ZNF551: variants seen among roughly 807,000 people sequenced by gnomAD.
ZNF551 encodes zinc finger protein 551.
Under a neutral mutation model 7.9 loss-of-function variants are expected in ZNF551, and 5 were observed. That is an observed-to-expected ratio of 0.63 (90% CI 0.33 to 1.33). ZNF551 has a LOEUF of 1.33. ZNF551 is among the 40% of genes most tolerant of loss of function. The pLI is 0.05. For synonymous variants in ZNF551, 287 were observed against 277.3 expected, an observed-to-expected ratio of 1.03 and a Z score of -0.35; for missense variants, 788 against 825.2, an observed-to-expected ratio of 0.95 and a Z score of 0.55.
In ZNF551 at chr19:57,686,589, A is replaced by G. The variant is rs1281187443; in HGVS notation, c.314A>G (p.Glu105Gly). 6.2e-7 allele frequency: 1 copy of G among 1,614,212 alleles called. No individual in the cohort carries two copies. Among genetic ancestry groups the G allele is most frequent in the Admixed American group, 1.7e-5 (1 of 60,014 alleles). ...CCCACCCAGAAAACTCACCTCAGTGAGATTAAGATGTGTGTCCCAGTCTTG... is the reference window on the plus strand; with the variant it reads ...CCCACCCAGAAAACTCACCTCAGTGGGATTAAGATGTGTGTCCCAGTCTTG... ...NTPTQKTHLS[E>G]IKMCVPVLKD... The change falls in exon 3 of 3, where the codon GAG becomes GGG. Residue 105 changes from glutamate (E) to glycine (G), a missense_variant. Coordinates refer to ENST00000282296, the MANE Select transcript of ZNF551 (RefSeq NM_138347.5).
rs777615971 is a variant in ZNF551 at position 57,685,262 on chromosome 19, G to A, written c.82G>A (p.Gly28Ser). 6.2e-7 allele frequency: 1 copy of A among 1,613,936 alleles called. No homozygotes were observed. The change falls in exon 2 of 3, where the codon GGT becomes AGT. Residue 28 changes from glycine (G) to serine (S), a missense_variant and splice_region_variant. Physicochemically the swap from Gly to Ser is moderately conservative, Grantham distance 56. Transcript: ENST00000282296. ...AAVALRDSAQ[G>S]MTFEDVAIYF... is the part of the protein sequence containing the mutation. ...GATTGAACTATTCCTGCTGTGACAG[G>A]GTATGACCTTTGAGGATGTGGCCAT...
At chr19:57,683,062 G>T (rs1371577693) in intron 1 of ZNF551, among the ~76,000 whole-genome samples, 1 of 152,202 alleles carries the variant, frequency 6.6e-6, no homozygotes, top group Non-Finnish European at 1.5e-5. Context: ...AAGTTGAGTT[G>T]TCTATTCGTT....
Position 57,687,317 on chromosome 19 carries a change from T to C in ZNF551, c.1042T>C (p.Ser348Pro), listed in dbSNP as rs1600020541. The C allele has an allele frequency of 6.2e-7, 1 of 1,614,220 alleles. No homozygotes were observed. The highest frequency in any genetic ancestry group is 1.1e-5 in the South Asian group (1 of 91,084). ...ATGTAGGAAAACCTTTAGCTACAAA[T>C]CTAACCTCATTGAACACCAGAGAGT... ...GECRKTFSYKSNLIEHQRVHT... is the reference protein window; with the variant it reads ...GECRKTFSYKPNLIEHQRVHT... Residue 348 changes from serine to proline, a missense_variant, in exon 3 of 3, where the codon TCT becomes CCT. Ser to Pro is a moderately conservative substitution (Grantham distance 74). Transcript: ENST00000282296.
chr19:57,686,062 G>C (rs1243730273), intron 2 of ZNF551, among the ~76,000 whole-genome samples: 3 of 152,168 alleles, frequency 2.0e-5, no homozygotes, highest in Non-Finnish European at 4.4e-5. Context: ...CTTCTTTTCA[G>C]TGTTGTTCAG....
chr19:57,686,400 G>A (rs1984553457), intron 2 of ZNF551, 81 bp from the exon 3 acceptor site: 3 of 1,545,522 alleles, frequency 1.9e-6, no homozygotes. Context: ...CTCAGTTCTT[G>A]TGTCTCACAC....
rs1984568414 is a variant in ZNF551, at chr19:57,686,740, TGAA to T, written c.471_473del (p.Glu158del). The stretch of plus-strand genomic sequence containing the variant: ...TTCACCAGCATCAAAAGCATTACAA[TGAA>T]GAAGAGCCCTGGAAAAGGAAGGTGG... On this transcript the variant is annotated inframe_deletion, in exon 3 of 3. Transcript: ENST00000282296. The T allele has an allele frequency of 1.2e-6, 2 of 1,613,988 alleles. No individual in the cohort carries two copies. The highest frequency in any genetic ancestry group is 1.7e-6 in the Non-Finnish European group (2 of 1,180,034).
In ZNF551 at chr19:57,686,713, C is replaced by G; in HGVS notation, c.438C>G (p.Asp146Glu). Residue 146 changes from aspartate to glutamate, a missense_variant, in exon 3 of 3, where the codon GAC becomes GAG. Asp to Glu is a conservative substitution (Grantham distance 45). Transcript: ENST00000282296. ...TSMRGFCFSADLHQHQKHYNE... is the reference protein window; with the variant it reads ...TSMRGFCFSAELHQHQKHYNE... ...TGAGAGGCTTCTGCTTCAGTGCTGA[C>G]CTTCACCAGCATCAAAAGCATTACA... The G allele has an allele frequency of 1.2e-6, 2 of 1,614,180 alleles. No homozygotes were observed. The highest frequency in any genetic ancestry group is 1.7e-6 in the Non-Finnish European group (2 of 1,180,044).
At position 57,682,639 on chromosome 19, in the gene ZNF551, C is replaced by T. The variant is rs73937007; in HGVS notation, c.81+395C>T. The stretch of plus-strand genomic sequence containing the variant: ...AAAAGTTGCTCAGGGGAAGAACAGG[C>T]TGAAGAGAGGTAATAGTAGTTAGGC... On this transcript the variant is annotated intron_variant, in intron 1 of 2. Coordinates refer to ENST00000282296, the MANE Select transcript of ZNF551 (RefSeq NM_138347.5). 7.3e-3 allele frequency among the ~76,000 whole-genome samples: 1,108 copies of T among 152,296 alleles called. 10 individuals carry two copies. The highest frequency in any genetic ancestry group is 0.024 in the African/African-American group (985 of 41,538).
rs149025911 is a variant in ZNF551, at chr19:57,685,936, A to ACTT, written c.206-542_206-540dup. 4.9e-3 allele frequency among the ~76,000 whole-genome samples: 739 copies of ACTT among 152,296 alleles called. 8 individuals are homozygous for ACTT. Among genetic ancestry groups the ACTT allele is most frequent in the African/African-American group, 0.017 (691 of 41,550 alleles). On this transcript the variant is annotated intron_variant, in intron 2 of 2. Coordinates refer to ENST00000282296, the MANE Select transcript of ZNF551 (RefSeq NM_138347.5). ...GTGCCACTGGCCATAACTCGTTTCT[A>ACTT]CTTCTACTTCCCTATACAATACTGT...
chr19:57,690,520 A>G lies in ZNF551; in HGVS notation c.*2232A>G, dbSNP rs1984732349. ...ATAATTATTTTGAGATTCAAAAATG[A>G]TGAATCTTTGTATTGCTGAGTATCA... On this transcript the variant is annotated 3_prime_UTR_variant, in exon 3 of 3. Transcript: ENST00000282296. 6.6e-6 allele frequency: 1 copy of G among 152,150 alleles called. No homozygotes were observed. The highest frequency in any genetic ancestry group is 2.4e-5 in the African/African-American group (1 of 41,426). 9.4% of individuals were successfully genotyped at this position (152,150 alleles called of 1,614,324 possible).
In ZNF551 at chr19:57,687,406, C is replaced by T. The variant is rs769122145; in HGVS notation, c.1131C>T (p.Ser377=). Residue 377 remains serine, a synonymous_variant, in exon 3 of 3, where the codon AGC becomes AGT. Coordinates refer to ENST00000282296, the MANE Select transcript of ZNF551 (RefSeq NM_138347.5). ...GGAAATCCTTTAGACAAAGCTCTAG[C>T]CTTTTTCGACACCAGAGAGTTCACT... ...ECGKSFRQSS[S]LFRHQRVHSG... 1 of 1,613,966 alleles carries T rather than the reference C, an allele frequency of 6.2e-7. No individual in the cohort carries two copies. The highest frequency in any genetic ancestry group is 8.5e-7 in the Non-Finnish European group (1 of 1,179,996).
At position 57,687,805 on chromosome 19, in the gene ZNF551, A is replaced by T; in HGVS notation, c.1530A>T (p.Lys510Asn). ...ERPYECSECGKSFTRKSDLIQ... is the reference protein window; with the variant it reads ...ERPYECSECGNSFTRKSDLIQ... ...CTTATGAATGCAGTGAATGTGGAAA[A>T]TCCTTTACCCGCAAATCTGACCTCA... Residue 510 changes from lysine (K) to asparagine (N), a missense_variant, in exon 3 of 3, where the codon AAA becomes AAT. Coordinates refer to ENST00000282296, the MANE Select transcript of ZNF551 (RefSeq NM_138347.5). 1 of 1,614,082 alleles carries T rather than the reference A, an allele frequency of 6.2e-7. No homozygotes were observed. The highest frequency in any genetic ancestry group is 1.6e-4 in the Middle Eastern group (1 of 6,062).
chr19:57,682,179 G>C lies in ZNF551; in HGVS notation c.16G>C (p.Gly6Arg), dbSNP rs1197292134. 5.2e-6 allele frequency: 8 copies of C among 1,549,196 alleles called. No individual in the cohort carries two copies. In the East Asian group the frequency reaches 2.0e-4, roughly 38 times the overall value. ...TTGTGTTCGAATGCCCGCCCCGGTC[G>C]GCCGCCGCTCCCCGCCTAGTCCACG... MPAPV[G>R]RRSPPSPRSS... Residue 6 changes from glycine to arginine, a missense_variant, in exon 1 of 3, where the codon GGC (glycine) becomes CGC (arginine). By Grantham distance (125) the Gly-to-Arg change is moderately radical. Transcript: ENST00000282296.
At chr19:57,685,737 T>C (rs777365675) in intron 2 of ZNF551, among the ~76,000 whole-genome samples, 2 of 151,706 alleles carry the variant, frequency 1.3e-5, no homozygotes, top group Non-Finnish European at 2.9e-5. Flanking sequence ...TGTTATGTGG[T>C]AGCACAATGA....
At chr19:57,683,852 A>G (rs1404266346) in intron 1 of ZNF551, among the ~76,000 whole-genome samples, 1 of 151,920 alleles carries the variant, frequency 6.6e-6, no homozygotes, top group Non-Finnish European at 1.5e-5. Flanking sequence ...TGATGCTAGG[A>G]CTGGTGCGTA....
Position 57,687,265 on chromosome 19 carries a change from T to A in ZNF551, c.990T>A (p.Thr330=). Residue 330 remains threonine, a synonymous_variant, in exon 3 of 3, where the codon ACT becomes ACA. Transcript: ENST00000282296. ...SEFIHHQRRH[T]GGVRHECGEC... ...TCATTCACCACCAGAGACGTCACAC[T>A]GGAGGAGTGCGTCATGAGTGTGGTG... is the stretch of plus-strand genomic sequence containing the variant. The A allele has an allele frequency of 6.2e-7, 1 of 1,614,190 alleles. No individual in the cohort carries two copies. The highest frequency in any genetic ancestry group is 8.5e-7 in the Non-Finnish European group (1 of 1,180,034).
In ZNF551 at chr19:57,687,838, C is replaced by T; in HGVS notation, c.1563C>T (p.His521=). 1 of 1,613,820 alleles carries T rather than the reference C, an allele frequency of 6.2e-7. No homozygotes were observed. Among genetic ancestry groups the T allele is most frequent in the Non-Finnish European group, 8.5e-7 (1 of 1,179,950 alleles). The part of the protein sequence containing the change: ...SFTRKSDLIQ[H]RRIHTGTRPY... ...CCCGCAAATCTGACCTCATTCAACA[C>T]CGGAGAATTCATACTGGCACAAGAC... Residue 521 remains histidine, a synonymous_variant, in exon 3 of 3, where the codon CAC becomes CAT. Transcript: ENST00000282296.
In ZNF551 at chr19:57,688,493, AG is replaced by A. The variant is rs565219065; in HGVS notation, c.*207del. On this transcript the variant is annotated 3_prime_UTR_variant, in exon 3 of 3. Coordinates refer to ENST00000282296, the MANE Select transcript of ZNF551 (RefSeq NM_138347.5). ...TGATTTATGTCACTGCCAATTTCTG[AG>A]GCTGAAGCCATTTCACATTTCACCC... 2.9e-4 allele frequency: 203 copies of A among 693,026 alleles called. No individual in the cohort carries two copies. In the African/African-American group the frequency reaches 3.4e-3, roughly 12 times the overall value. 42.9% of individuals were successfully genotyped at this position (693,026 alleles called of 1,614,324 possible). A position where few individuals can be genotyped will look rare whatever the true frequency, so the allele number is the denominator to read the frequency against.
rs997098469 is a variant in ZNF551 at position 57,689,400 on chromosome 19, A to C, written c.*1112A>C. ...AGTGGAGAAGACTGCAGTAAATTAGATGGAATGACTCTTCTAAAAGTTCAT... is the reference window on the plus strand; with the variant it reads ...AGTGGAGAAGACTGCAGTAAATTAGCTGGAATGACTCTTCTAAAAGTTCAT... On this transcript the variant is annotated 3_prime_UTR_variant, in exon 3 of 3. Coordinates refer to ENST00000282296, the MANE Select transcript of ZNF551 (RefSeq NM_138347.5). The C allele has an allele frequency of 7.9e-5, 12 of 152,214 alleles. No individual in the cohort carries two copies. The highest frequency in any genetic ancestry group is 4.4e-5 in the Non-Finnish European group (3 of 68,038). The allele number at this position is 152,214 out of a possible 1,614,324, so 9.4% of individuals were successfully genotyped here.
Sources: gnomAD v4.1 joint callset for allele counts (sites outside exome capture counted in the v4.1 genomes callset) on GRCh38, gnomAD v4.1.1 for gene constraint, MANE v1.5 for transcripts, NCBI Gene and HGNC (gene_info 2026-07-23, HGNC 2026-07-21) for gene names.